Variants in FLT3 observed in about 807,000 individuals in gnomAD.
FLT3 encodes the protein fms related receptor tyrosine kinase 3.
Under a neutral mutation model 126.6 loss-of-function variants are expected in FLT3, and 46 were observed. That is an observed-to-expected ratio of 0.36 (90% CI 0.29 to 0.46). The LOEUF is 0.46. Ranked by LOEUF, FLT3 falls within the 20% of genes least tolerant of loss-of-function variation. The probability of loss-of-function intolerance (pLI) is 1.00; values close to 1 mark genes in which losing one functional copy is unlikely to be tolerated. For missense variants in FLT3, 1,069 were observed against 1,190.3 expected (o/e 0.90, Z 1.50); for synonymous variants, 404 against 434.4 (o/e 0.93, Z 0.87).
At chr13:28,070,833 G>A (rs1383746336) in intron 1 of FLT3, among the ~76,000 whole-genome samples, 3 of 152,124 alleles carry the variant, frequency 2.0e-5, no homozygotes, top group Non-Finnish European at 2.9e-5. Flanking sequence ...TGCAGTGATG[G>A]ACATGTTCTA....
rs772907680 is a variant in FLT3 at position 28,035,941 on chromosome 13, G to C, written c.1412C>G (p.Ser471Cys). 15 of 1,611,752 alleles carry C rather than the reference G, an allele frequency of 9.3e-6. No homozygotes were observed. The highest frequency in any genetic ancestry group is 1.7e-5 in the Admixed American group (1 of 59,992). Residue 471 changes from serine to cysteine, a missense_variant, in exon 11 of 24, where the codon TCT (serine) becomes TGT (cysteine). Coordinates refer to ENST00000241453, the MANE Select transcript of FLT3 (RefSeq NM_004119.3). ...SWTWKKCSDK[S>C]PNCTEEITEG... The stretch of plus-strand genomic sequence containing the variant: ...GCATCAATGTCCTTATTACTTGGGA[G>C]ACTTGTCTGAACACTTCTTCCAGGT...
rs1336585399 is a variant in FLT3, at chr13:28,035,462, G to A, written c.1597+33C>T. The A allele has an allele frequency of 3.1e-6, 5 of 1,590,908 alleles. No individual in the cohort carries two copies. In the South Asian group the frequency reaches 5.7e-5, roughly 18 times the overall value. The stretch of plus-strand genomic sequence containing the variant: ...GACTAACTTCTAGTGGGGAATTCCT[G>A]ATGGTGGAATATCACAAGAACAACT... On this transcript the variant is annotated intron_variant, in intron 12 of 23. Coordinates refer to ENST00000241453, the MANE Select transcript of FLT3 (RefSeq NM_004119.3).
intron 15 of FLT3, among the ~76,000 whole-genome samples, chr13:28,031,687 G>A (rs1219934913): frequency 6.6e-6 from 1 of 152,182 alleles, no homozygotes; most frequent in African/African-American, 2.4e-5. Flanking sequence ...CATGAAAGGG[G>A]AAGGGGAAGC....
chr13:28,050,413 G>A (rs893095322), intron 5 of FLT3, among the ~76,000 whole-genome samples, 191 bp from the exon 6 acceptor site: 5 of 152,052 alleles, frequency 3.3e-5, no homozygotes, highest in East Asian at 1.9e-4. Context: ...ACTCATTATC[G>A]CAATGAATTA....
chr13:28,022,356 C>G (rs1420908256), intron 19 of FLT3, among the ~76,000 whole-genome samples: 3 of 151,732 alleles, frequency 2.0e-5, no homozygotes, highest in Non-Finnish European at 4.4e-5. Context: ...TATTAAAATA[C>G]AAAAAATTAG....
chr13:28,097,330 G>A (rs1457731787), intron 1 of FLT3, among the ~76,000 whole-genome samples: 3 of 152,108 alleles, frequency 2.0e-5, no homozygotes, highest in Non-Finnish European at 4.4e-5. Context: ...CCTAATGCAT[G>A]TTTTCTCTTC....
chr13:28,037,907 TC>T (rs1485732778), intron 9 of FLT3, among the ~76,000 whole-genome samples: 1 of 152,114 alleles, frequency 6.6e-6, no homozygotes, highest in Admixed American at 6.5e-5. Context: ...CTTAAGAGAA[TC>T]TAATCCCCGA....
chr13:28,081,791 A>G (rs1878329776), intron 1 of FLT3, among the ~76,000 whole-genome samples: 1 of 140,766 alleles, frequency 7.1e-6, no homozygotes. Flanking sequence ...CTCTTCTGTA[A>G]TATTTTTATT....
chr13:28,048,598 A>T (rs113917121), intron 8 of FLT3, among the ~76,000 whole-genome samples, 155 bp from the exon 9 acceptor site: 102 of 152,338 alleles, frequency 6.7e-4, no homozygotes, highest in African/African-American at 2.3e-3. Context: ...GTGAAAACCC[A>T]GGAGTCCTAT....
intron 1 of FLT3, among the ~76,000 whole-genome samples, chr13:28,077,522 A>G (rs2137803169): frequency 6.6e-6 from 1 of 152,296 alleles, no homozygotes; most frequent in East Asian, 1.9e-4. Context: ...TCTGGCACCC[A>G]TGATTCAATT....
intron 18 of FLT3, among the ~76,000 whole-genome samples, chr13:28,024,215 T>A (rs1566063847): frequency 6.6e-6 from 1 of 151,048 alleles, no homozygotes; most frequent in East Asian, 1.9e-4. Flanking sequence ...CACTGCAACC[T>A]CTGCCTCTTG....
chr13:28,025,329 C>A, intron 17 of FLT3: 1 of 439,136 alleles, frequency 2.3e-6, no homozygotes, highest in South Asian at 1.7e-5. Context: ...CTTTCCCTCA[C>A]ATAATACAGA....
chr13:28,059,247 C>T (rs749461471), intron 3 of FLT3, among the ~76,000 whole-genome samples: 1 of 152,144 alleles, frequency 6.6e-6, no homozygotes, highest in Non-Finnish European at 1.5e-5. Context: ...GCCCGATACC[C>T]CTTGCAGGCC....
chr13:28,039,759 A>T (rs1301441974), intron 9 of FLT3, among the ~76,000 whole-genome samples: 1 of 151,512 alleles, frequency 6.6e-6, no homozygotes, highest in Non-Finnish European at 1.5e-5. Flanking sequence ...TGTTGGCCAG[A>T]CTCGTCTTGA....
Position 28,051,547 on chromosome 13 carries a change from C to CTTTT in FLT3, c.614+994_614+997dup, listed in dbSNP as rs757834414. On this transcript the variant is annotated intron_variant, in intron 5 of 23. Coordinates refer to ENST00000241453, the MANE Select transcript of FLT3 (RefSeq NM_004119.3). ...CCACTGTGCCCAGCCTATAATTTCC[C>CTTTT]TTTTTTTTTTTTTTTGAGATGGAGT... Among the ~76,000 whole-genome samples, 589 of 89,940 alleles carry CTTTT rather than the reference C, an allele frequency of 6.5e-3. 3 individuals are homozygous for CTTTT. The highest frequency in any genetic ancestry group is 0.016 in the South Asian group (41 of 2,626). 59.0% of individuals were successfully genotyped at this position (89,940 alleles called of 152,430 possible). A position where few individuals can be genotyped will look rare whatever the true frequency, so the allele number is the denominator to read the frequency against.
chr13:28,023,057 T>C (rs1872534718), intron 19 of FLT3, among the ~76,000 whole-genome samples: 1 of 152,166 alleles, frequency 6.6e-6, no homozygotes, highest in African/African-American at 2.4e-5. Flanking sequence ...CTACGCTTTG[T>C]TTTGAGGAAG....
At chr13:28,040,963 C>CA (rs58959298) in intron 9 of FLT3, among the ~76,000 whole-genome samples, 21,461 of 108,490 alleles carry the variant, frequency 0.2, 1,804 homozygotes, top group Middle Eastern at 0.32. Flanking sequence ...GACCCGGACT[C>CA]AAAAAAAAAA....
chr13:28,035,973 T>C lies in FLT3; in HGVS notation c.1380A>G (p.Pro460=), dbSNP rs577243671. Residue 460 remains proline (P), a synonymous_variant, in exon 11 of 24, where the codon CCA becomes CCG. Coordinates refer to ENST00000241453, the MANE Select transcript of FLT3 (RefSeq NM_004119.3). ...CTGAACACTTCTTCCAGGTCCAAGA[T>C]GGTAATGGGTATCCATCCGAGAAAC... ...ASCFSDGYPL[P]SWTWKKCSDK... is the part of the protein sequence containing the mutation. 136 of 1,614,082 alleles carry C rather than the reference T, an allele frequency of 8.4e-5. No individual in the cohort carries two copies. The highest frequency in any genetic ancestry group is 1.0e-4 in the Non-Finnish European group (123 of 1,180,022).
chr13:28,048,363 A>G lies in FLT3; in HGVS notation c.1117T>C (p.Phe373Leu), dbSNP rs1274622827. Residue 373 changes from phenylalanine to leucine, a missense_variant, in exon 9 of 24, where the codon TTT becomes CTT. Coordinates refer to ENST00000241453, the MANE Select transcript of FLT3 (RefSeq NM_004119.3). ...QYEEFCFSVR[F>L]KAYPQIRCTW... ...CATCTGATTTGTGGGTAGGCTTTAA[A>G]CCTGACAGAAAAACAAAACTCTTCA... is the stretch of plus-strand genomic sequence containing the variant. 1 of 1,613,254 alleles carries G rather than the reference A, an allele frequency of 6.2e-7. No individual in the cohort carries two copies. The highest frequency in any genetic ancestry group is 2.2e-5 in the East Asian group (1 of 44,864).
Sources: gnomAD v4.1 joint callset for allele counts (sites outside exome capture counted in the v4.1 genomes callset) on GRCh38, gnomAD v4.1.1 for gene constraint, MANE v1.5 for transcripts, NCBI Gene and HGNC (gene_info 2026-07-23, HGNC 2026-07-21) for gene names.